ATP8A1: variants seen among roughly 807,000 people sequenced by gnomAD.
The protein encoded by ATP8A1 is phospholipid-transporting ATPase IA.
ATP8A1 carries 90 observed loss-of-function variants against 177.7 expected under a neutral mutation model. The observed-to-expected ratio is 0.51, with a 90% CI of 0.43 to 0.60. The LOEUF is 0.60. Among genes scored for constraint, ATP8A1 ranks in the 20% least tolerant of loss-of-function variants. The probability of loss-of-function intolerance (pLI) is 0.00; values close to 1 mark genes in which losing one functional copy is unlikely to be tolerated. For synonymous variants in ATP8A1, 493 were observed against 485.9 expected (o/e 1.01, Z -0.19); for missense variants, 1,072 against 1,392.8 (o/e 0.77, Z 3.67).
intron 22 of ATP8A1, among the ~76,000 whole-genome samples, chr4:42,514,156 A>G (rs1415386384): frequency 6.6e-6 from 1 of 152,242 alleles, no homozygotes; most frequent in East Asian, 1.9e-4. Context: ...TCTAAGGCCA[A>G]GAAATAGATT....
intron 9 of ATP8A1, among the ~76,000 whole-genome samples, chr4:42,583,997 G>A (rs561972335): frequency 1.2e-4 from 18 of 152,298 alleles, no homozygotes; most frequent in Admixed American, 9.1e-4. Flanking sequence ...CGATCACTCT[G>A]TGAAAATTTT....
At chr4:42,521,185 T>C (rs908841780) in intron 22 of ATP8A1, among the ~76,000 whole-genome samples, 4 of 152,188 alleles carry the variant, frequency 2.6e-5, no homozygotes, top group African/African-American at 9.7e-5. Context: ...TTCTATGCAA[T>C]ACAAACATGA....
At chr4:42,644,660 C>T (rs1380754) in intron 1 of ATP8A1, among the ~76,000 whole-genome samples, 36,023 of 151,628 alleles carry the variant, frequency 0.24, 4,490 homozygotes, top group Non-Finnish European at 0.27. Context: ...TCTTCCCACC[C>T]GGCAGTGGCC....
intron 1 of ATP8A1, among the ~76,000 whole-genome samples, chr4:42,644,467 A>G (rs1740327727): frequency 6.6e-6 from 1 of 152,198 alleles, no homozygotes; most frequent in Admixed American, 6.5e-5. Context: ...CTGGCTTTTG[A>G]AAATAATTTC....
At chr4:42,635,776 C>CATATATATATATAT (rs1489319364) in intron 1 of ATP8A1, among the ~76,000 whole-genome samples, 2 of 37,208 alleles carry the variant, frequency 5.4e-5, no homozygotes, top group Non-Finnish European at 1.1e-4. Flanking sequence ...CACACACACA[C>CATATATATATATAT]ACACACATAT....
intron 24 of ATP8A1, among the ~76,000 whole-genome samples, chr4:42,497,621 C>T (rs1298744192): frequency 6.6e-6 from 1 of 152,108 alleles, no homozygotes; most frequent in East Asian, 1.9e-4. Flanking sequence ...GTTCTCAGCA[C>T]AAGCCAGCCT....
Position 42,642,626 on chromosome 4 carries a change from T to C in ATP8A1, c.49+14199A>G, listed in dbSNP as rs781263436. Reference sequence around the variant, plus strand: ...ACATGTGTGAGATTGCCGCACGCCCTACTCAATCCACAGGTAGAACAAAAA... The same window carrying C: ...ACATGTGTGAGATTGCCGCACGCCCCACTCAATCCACAGGTAGAACAAAAA... On this transcript the variant is annotated intron_variant, in intron 1 of 36. Coordinates refer to ENST00000381668, the MANE Select transcript of ATP8A1 (RefSeq NM_006095.2). Among the ~76,000 whole-genome samples, 94 of 152,336 alleles carry C rather than the reference T, an allele frequency of 6.2e-4. No homozygotes were observed. The Middle Eastern group carries it at 0.02, about 33-fold the overall frequency.
intron 2 of ATP8A1, chr4:42,626,023 C>G (rs1361517090): frequency 5.4e-6 from 1 of 184,724 alleles, no homozygotes; most frequent in African/African-American, 2.4e-5. Context: ...AGGGCTCCAG[C>G]CCTCCATAAG....
intron 24 of ATP8A1, among the ~76,000 whole-genome samples, chr4:42,501,847 T>C (rs1723885171): frequency 6.6e-6 from 1 of 152,162 alleles, no homozygotes; most frequent in African/African-American, 2.4e-5. Context: ...CTTAACTCCC[T>C]GGGAGAAAAG....
chr4:42,625,665 A>C lies in ATP8A1; in HGVS notation c.213T>G (p.Ser71=), dbSNP rs1258974152. Residue 71 remains serine (S), a synonymous_variant, in exon 3 of 37, where the codon TCT becomes TCG. Coordinates refer to ENST00000381668, the MANE Select transcript of ATP8A1 (RefSeq NM_006095.2). Reference sequence around the variant, plus strand: ...ATGAATTAGCAGCTCTTCTGAACTGAGAGTAGAGAAATCTTGGAAGGAATG... The same window carrying C: ...ATGAATTAGCAGCTCTTCTGAACTGCGAGTAGAGAAATCTTGGAAGGAATG... The part of the protein sequence containing the change: ...IITFLPRFLY[S]QFRRAANSFF... 2 of 1,609,544 alleles carry C rather than the reference A, an allele frequency of 1.2e-6. No homozygotes were observed. The highest frequency in any genetic ancestry group is 2.2e-5 in the South Asian group (2 of 89,920).
intron 25 of ATP8A1, among the ~76,000 whole-genome samples, chr4:42,471,307 G>C (rs934031171): frequency 4.6e-5 from 7 of 152,200 alleles, no homozygotes; most frequent in Non-Finnish European, 8.8e-5. Flanking sequence ...ATACTGTGCA[G>C]TCATAGGCAT....
intron 8 of ATP8A1, among the ~76,000 whole-genome samples, chr4:42,587,296 GCTT>G (rs1190972710): frequency 6.6e-6 from 1 of 150,936 alleles, no homozygotes; most frequent in Non-Finnish European, 1.5e-5. Flanking sequence ...TTGTTGTACA[GCTT>G]CTTTTCTTTT....
At chr4:42,548,765 T>C (rs540621795) in intron 19 of ATP8A1, among the ~76,000 whole-genome samples, 71 of 152,284 alleles carry the variant, frequency 4.7e-4, no homozygotes, top group African/African-American at 1.6e-3. Context: ...CTCCATGAGA[T>C]CAACTTTCAA....
At chr4:42,545,078 C>T (rs537248625) in intron 19 of ATP8A1, among the ~76,000 whole-genome samples, 130 of 149,772 alleles carry the variant, frequency 8.7e-4, no homozygotes, top group African/African-American at 2.2e-3. Context: ...AAGAATCGCT[C>T]GAACCCGGGA....
chr4:42,519,476 T>C (rs1213762316), intron 22 of ATP8A1, among the ~76,000 whole-genome samples: 2 of 152,202 alleles, frequency 1.3e-5, no homozygotes, highest in South Asian at 4.1e-4. Context: ...ATTTCAAAAA[T>C]TACCACCTCT....
intron 27 of ATP8A1, among the ~76,000 whole-genome samples, chr4:42,463,385 C>G (rs904593975): frequency 2.6e-5 from 4 of 152,228 alleles, no homozygotes; most frequent in Admixed American, 2.6e-4. Context: ...TGCACAAGCT[C>G]TCTTTGCCCA....
intron 2 of ATP8A1, 90 bp downstream of exon 2, chr4:42,626,905 G>A (rs754849888): frequency 1.8e-4 from 164 of 891,148 alleles, no homozygotes; most frequent in Non-Finnish European, 2.7e-4. Context: ...TTAACTGACT[G>A]CACTGAAAGC....
chr4:42,567,183 AT>A (rs766552645), intron 15 of ATP8A1, among the ~76,000 whole-genome samples: 1 of 152,148 alleles, frequency 6.6e-6, no homozygotes, highest in Admixed American at 6.5e-5. Context: ...TTGTTCTTTC[AT>A]TTTTGCAGGC....
At chr4:42,613,932 T>C (rs1343202929) in intron 5 of ATP8A1, among the ~76,000 whole-genome samples, 1 of 152,098 alleles carries the variant, frequency 6.6e-6, no homozygotes, top group Non-Finnish European at 1.5e-5. Context: ...GGTTGAATCT[T>C]AGGATGAGAA....
Sources: gnomAD v4.1 joint callset for allele counts (sites outside exome capture counted in the v4.1 genomes callset) on GRCh38, gnomAD v4.1.1 for gene constraint, MANE v1.5 for transcripts, NCBI Gene and HGNC (gene_info 2026-07-23, HGNC 2026-07-21) for gene names.